The following RBM12B variants were observed in gnomAD, a reference collection of about 807,000 sequenced individuals.
RBM12B encodes RNA binding motif protein 12B.
In RBM12B, 10 loss-of-function variants were observed where a neutral mutation model predicts 34.3. The ratio of observed to expected loss-of-function variants is 0.29; its 90% CI spans 0.18 to 0.49. RBM12B has a LOEUF of 0.49. Among genes scored for constraint, RBM12B ranks in the 20% least tolerant of loss-of-function variants. The pLI is 0.99. For synonymous variants in RBM12B, 477 were observed against 437.1 expected, an observed-to-expected ratio of 1.09 and a Z score of -1.14; for missense variants, 1,139 against 1,262.7, an observed-to-expected ratio of 0.90 and a Z score of 1.48.
intron 2 of RBM12B, 82 bp from the exon 3 acceptor site, chr8:93,737,437 A>C (rs1174347092): frequency 6.6e-6 from 1 of 152,220 alleles, no homozygotes; most frequent in Non-Finnish European, 1.5e-5. Context: ...TATCCATTTC[A>C]GAATTACCTA....
In RBM12B at chr8:93,734,493, T is replaced by C. The variant is rs1811937889; in HGVS notation, c.1918A>G (p.Thr640Ala). 1 of 1,603,478 alleles carries C rather than the reference T, an allele frequency of 6.2e-7. No individual in the cohort carries two copies. Among genetic ancestry groups the C allele is most frequent in the Non-Finnish European group, 8.5e-7 (1 of 1,175,006 alleles). ...PLEEDFRRSP[T>A]EDFRQLPEED... ...TCGGGGAGCTGCCTGAAGTCCTCCG[T>C]GGGAGACCGCCTGAAATCCTCCTCC... Residue 640 changes from threonine to alanine, a missense_variant, in exon 4 of 4, where the codon ACG becomes GCG. Thr to Ala is a moderately conservative substitution (Grantham distance 58, BLOSUM62 0). Transcript: ENST00000520560.
In RBM12B at chr8:93,734,773, A is replaced by G; in HGVS notation, c.1638T>C (p.Asp546=). The change falls in exon 4 of 4, where the codon GAT becomes GAC. Residue 546 remains aspartate, a synonymous_variant. Coordinates refer to ENST00000520560, the MANE Select transcript of RBM12B (RefSeq NM_001377960.1). ...QLDNFKHPQR[D]FRQPDRHPPE... is the part of the protein sequence containing the mutation. Reference sequence around the variant, plus strand: ...GAGGGTGCCTGTCAGGCTGCCGGAAATCCCTCTGGGGATGCTTGAAGTTAT... The same window carrying G: ...GAGGGTGCCTGTCAGGCTGCCGGAAGTCCCTCTGGGGATGCTTGAAGTTAT... The G allele has an allele frequency of 3.7e-6, 6 of 1,614,056 alleles. No homozygotes were observed. Among genetic ancestry groups the G allele is most frequent in the Non-Finnish European group, 5.1e-6 (6 of 1,179,976 alleles).
In RBM12B at chr8:93,735,175, T is replaced by A. The variant is rs771616362; in HGVS notation, c.1236A>T (p.Thr412=). ...CAAAGAACTTCTGCACTTCAACTTT[T>A]GTAACATCAAATGGAAAATTTCTTA... ...IYIRNFPFDV[T]KVEVQKFFAD... Residue 412 remains threonine, a synonymous_variant, in exon 4 of 4, where the codon ACA becomes ACT. Transcript: ENST00000520560. The A allele has an allele frequency of 2.5e-6, 4 of 1,614,142 alleles. No homozygotes were observed. The South Asian group carries it at 4.4e-5, about 18-fold the overall frequency.
Position 93,734,470 on chromosome 8 carries a change from G to A in RBM12B, c.1941C>T (p.Pro647=), listed in dbSNP as rs3133974. 1.0e-4 allele frequency: 163 copies of A among 1,611,922 alleles called. No homozygotes were observed. The highest frequency in any genetic ancestry group is 9.2e-4 in the East Asian group (41 of 44,752). ...CAGGGGGTTGCCTGAAGTCCTCCTC[G>A]GGGAGCTGCCTGAAGTCCTCCGTGG... The part of the protein sequence containing the change: ...RSPTEDFRQL[P]EEDFRQPPEE... Residue 647 remains proline (P), a synonymous_variant, in exon 4 of 4, where the codon CCC becomes CCT. Transcript: ENST00000520560.
At position 93,729,332 on chromosome 8, in the gene RBM12B, T is replaced by G. The variant is rs1200989250; in HGVS notation, c.*4073A>C. The G allele has an allele frequency of 6.6e-6, 1 of 152,178 alleles. No individual in the cohort carries two copies. The highest frequency in any genetic ancestry group is 2.4e-5 in the African/African-American group (1 of 41,462). 9.4% of individuals were successfully genotyped at this position (152,178 alleles called of 1,614,324 possible). A position where few individuals can be genotyped will look rare whatever the true frequency, so the allele number is the denominator to read the frequency against. On this transcript the variant is annotated 3_prime_UTR_variant, in exon 4 of 4. Transcript: ENST00000520560. ...CTAAGTGACAAAGTTGTTTCAGTAC[T>G]TTTTTGTAAAATATTTAAAACATTT...
intron 2 of RBM12B, among the ~76,000 whole-genome samples, chr8:93,738,589 A>G (rs1244215295): frequency 6.6e-6 from 1 of 152,014 alleles, no homozygotes; most frequent in Non-Finnish European, 1.5e-5. Flanking sequence ...CAGCCTCCCC[A>G]GTAGCTGGGA....
intron 2 of RBM12B, chr8:93,739,995 G>A: frequency 3.3e-6 from 1 of 300,986 alleles, no homozygotes; most frequent in South Asian, 2.9e-5. Flanking sequence ...AACTAGCGAA[G>A]AAAAAGTCAT....
At position 93,733,692 on chromosome 8, in the gene RBM12B, GA is replaced by G. The variant is rs1398821866; in HGVS notation, c.2718del (p.Pro907LeufsTer11). 6.2e-7 allele frequency: 1 copy of G among 1,613,970 alleles called. No homozygotes were observed. The highest frequency in any genetic ancestry group is 8.5e-7 in the Non-Finnish European group (1 of 1,180,030). On this transcript the variant is annotated frameshift_variant, in exon 4 of 4. Transcript: ENST00000520560. LOFTEE classifies it high-confidence loss of function. ...FDFGKHNMGSFPEGRFMPDPK... is the reference protein window; with the variant it reads ...FDFGKHNMGSXPEGRFMPDPK... ...GGATCAGGCATAAATCTCCCCTCAGGAAAACTTCCCATATTATGCTTTCCAA... is the reference window on the plus strand; with the variant it reads ...GGATCAGGCATAAATCTCCCCTCAGGAAACTTCCCATATTATGCTTTCCAA...
chr8:93,740,102 G>A (rs1812149375), intron 2 of RBM12B: 1 of 356,966 alleles, frequency 2.8e-6, no homozygotes, highest in African/African-American at 2.2e-5. Flanking sequence ...CTAAACGTGA[G>A]TTTCCCCTGC....
chr8:93,736,109 G>A lies in RBM12B; in HGVS notation c.302C>T (p.Ser101Leu). 6.2e-7 allele frequency: 1 copy of A among 1,614,124 alleles called. No homozygotes were observed. The highest frequency in any genetic ancestry group is 8.5e-7 in the Non-Finnish European group (1 of 1,180,012). ...AAAATTAGACAGGCTGTCAACCCCT[G>A]ATGTCCCAGATCCTGGACGCCCTCT... is the stretch of plus-strand genomic sequence containing the variant. ...VGRGRPGSGT[S>L]GVDSLSNFIE... Residue 101 changes from serine (S) to leucine (L), a missense_variant, in exon 4 of 4, where the codon TCA becomes TTA. Ser to Leu is a moderately radical substitution (Grantham distance 145). This residue lies in a region of RBM12B where 216 missense variants were observed against 292.2 expected (regional missense o/e 0.74). Coordinates refer to ENST00000520560, the MANE Select transcript of RBM12B (RefSeq NM_001377960.1).
At position 93,728,808 on chromosome 8, in the gene RBM12B, G is replaced by C. The variant is rs2130406452; in HGVS notation, c.*4597C>G. On this transcript the variant is annotated 3_prime_UTR_variant, in exon 4 of 4. Coordinates refer to ENST00000520560, the MANE Select transcript of RBM12B (RefSeq NM_001377960.1). ...TTTTCAAGAAGAGTATAACCAAAGA[G>C]TAAAGATAATGTGACACTAAGTTAT... is the stretch of plus-strand genomic sequence containing the variant. 6.6e-6 allele frequency: 1 copy of C among 152,116 alleles called. No individual in the cohort carries two copies. The highest frequency in any genetic ancestry group is 1.5e-5 in the Non-Finnish European group (1 of 67,932). The allele number at this position is 152,116 out of a possible 1,614,324, so 9.4% of individuals were successfully genotyped here.
rs781705344 is a variant in RBM12B, at chr8:93,733,762, G to A, written c.2649C>T (p.Arg883=). ...RSPPDDFRSH[R]PFVNFGRPEG... ...CTGGGCGACCAAAATTCACAAAAGG[G>A]CGGTGACTTCTAAAATCATCAGGCG... The change falls in exon 4 of 4, where the codon CGC becomes CGT. Residue 883 remains arginine, a synonymous_variant. Transcript: ENST00000520560. 1.1e-5 allele frequency: 17 copies of A among 1,614,046 alleles called. No individual in the cohort carries two copies. The highest frequency in any genetic ancestry group is 1.7e-6 in the Non-Finnish European group (2 of 1,180,026).
Position 93,730,537 on chromosome 8 carries a change from GCT to G in RBM12B, c.*2866_*2867del, listed in dbSNP as rs766094664. 3 of 152,222 alleles carry G rather than the reference GCT, an allele frequency of 2.0e-5. No individual in the cohort carries two copies. Among genetic ancestry groups the G allele is most frequent in the Non-Finnish European group, 4.4e-5 (3 of 68,046 alleles). 9.4% of individuals were successfully genotyped at this position (152,222 alleles called of 1,614,324 possible). A position where few individuals can be genotyped will look rare whatever the true frequency, so the allele number is the denominator to read the frequency against. ...TGGCTATGAGACGACAATTACTGAAGCTGAGTGATGTGTACATGAAAATTTAC... is the reference window on the plus strand; with the variant it reads ...TGGCTATGAGACGACAATTACTGAAGGAGTGATGTGTACATGAAAATTTAC... On this transcript the variant is annotated 3_prime_UTR_variant, in exon 4 of 4. Transcript: ENST00000520560.
rs767352710 is a variant in RBM12B at position 93,734,438 on chromosome 8, T to G, written c.1973A>C (p.Asp658Ala). ...ATCTTCCTCTGGGAGCCACCTTAAG[T>G]CCTCCTCAGGGGGTTGCCTGAAGTC... ...EEDFRQPPEEDLRWLPEEDFR... is the reference protein window; with the variant it reads ...EEDFRQPPEEALRWLPEEDFR... The change falls in exon 4 of 4, where the codon GAC becomes GCC. Residue 658 changes from aspartate (D) to alanine (A), a missense_variant. Asp to Ala is a moderately radical substitution (Grantham distance 126, BLOSUM62 -2). This residue lies in a region of RBM12B where 863 missense variants were observed against 869.5 expected (regional missense o/e 0.99). Coordinates refer to ENST00000520560, the MANE Select transcript of RBM12B (RefSeq NM_001377960.1). The G allele has an allele frequency of 5.6e-6, 9 of 1,605,562 alleles. No individual in the cohort carries two copies. In the South Asian group the frequency reaches 6.7e-5, roughly 12 times the overall value.
chr8:93,728,532 A>T lies in RBM12B; in HGVS notation c.*4873T>A, dbSNP rs534457799. The T allele has an allele frequency of 3.0e-4, 96 of 321,310 alleles. No individual in the cohort carries two copies. The highest frequency in any genetic ancestry group is 8.3e-4 in the East Asian group (14 of 16,790). 19.9% of individuals were successfully genotyped at this position (321,310 alleles called of 1,614,324 possible). A position where few individuals can be genotyped will look rare whatever the true frequency, so the allele number is the denominator to read the frequency against. On this transcript the variant is annotated 3_prime_UTR_variant, in exon 4 of 4. Coordinates refer to ENST00000520560, the MANE Select transcript of RBM12B (RefSeq NM_001377960.1). ...TTTTTGTGTAAGTGCCTTTTTTTTT[A>T]AAGATGGTGTATTTCAAAGTATTTC... is the stretch of plus-strand genomic sequence containing the variant.
At chr8:93,736,498 C>G (rs1349433836) in intron 3 of RBM12B, 60 bp from the exon 4 acceptor site, 1 of 1,332,188 alleles carries the variant, frequency 7.5e-7, no homozygotes, top group Admixed American at 2.6e-5. Context: ...TTAGCCCAAA[C>G]TAAGCTTAAT....
In RBM12B at chr8:93,734,472, G is replaced by A. The variant is rs1811936278; in HGVS notation, c.1939C>T (p.Pro647Ser). The A allele has an allele frequency of 1.2e-6, 2 of 1,606,004 alleles. No individual in the cohort carries two copies. Residue 647 changes from proline (P) to serine (S), a missense_variant, in exon 4 of 4, where the codon CCC (proline) becomes TCC (serine). Coordinates refer to ENST00000520560, the MANE Select transcript of RBM12B (RefSeq NM_001377960.1). The stretch of plus-strand genomic sequence containing the variant: ...GGGGGTTGCCTGAAGTCCTCCTCGG[G>A]GAGCTGCCTGAAGTCCTCCGTGGGA... ...RSPTEDFRQL[P>S]EEDFRQPPEE... is the part of the protein sequence containing the mutation.
Position 93,734,213 on chromosome 8 carries a change from C to T in RBM12B, c.2198G>A (p.Arg733Gln), listed in dbSNP as rs778755168. 5 of 1,594,174 alleles carry T rather than the reference C, an allele frequency of 3.1e-6. No individual in the cohort carries two copies. The highest frequency in any genetic ancestry group is 2.2e-5 in the East Asian group (1 of 44,576). Residue 733 changes from arginine (R) to glutamine (Q), a missense_variant, in exon 4 of 4, where the codon CGG becomes CAG. Physicochemically the swap from Arg to Gln is conservative, Grantham distance 43. This residue lies in a region of RBM12B where 863 missense variants were observed against 869.5 expected (regional missense o/e 0.99). Transcript: ENST00000520560. ...TCTCCGGAAATGCTCTGGGGGTGGC[C>T]GACGGAAATGCTCCTGAGGTGGCCT... ...FRRPPQEHFR[R>Q]PPPEHFRRPP...
rs1196047584 is a variant in RBM12B at position 93,728,938 on chromosome 8, T to C, written c.*4467A>G. 1 of 152,096 alleles carries C rather than the reference T, an allele frequency of 6.6e-6. No individual in the cohort carries two copies. The highest frequency in any genetic ancestry group is 1.5e-5 in the Non-Finnish European group (1 of 67,956). The allele number at this position is 152,096 out of a possible 1,614,324, so 9.4% of individuals were successfully genotyped here. On this transcript the variant is annotated 3_prime_UTR_variant, in exon 4 of 4. Coordinates refer to ENST00000520560, the MANE Select transcript of RBM12B (RefSeq NM_001377960.1). Reference sequence around the variant, plus strand: ...AAACTGCTGTCATAATTATACATGATACTGCAACTTTTGGAAGGCTAATTT... The same window carrying C: ...AAACTGCTGTCATAATTATACATGACACTGCAACTTTTGGAAGGCTAATTT...
Sources: gnomAD v4.1 joint callset for allele counts (sites outside exome capture counted in the v4.1 genomes callset) on GRCh38, gnomAD v4.1.1 for gene constraint, gnomAD v4.1.1 regional missense constraint, MANE v1.5 for transcripts, NCBI Gene and HGNC (gene_info 2026-07-23, HGNC 2026-07-21) for gene names.